The following COL23A1 variants were observed in gnomAD, a reference collection of about 807,000 sequenced individuals.
COL23A1 encodes collagen alpha-1(XXIII) chain.
Under a neutral mutation model 99.3 loss-of-function variants are expected in COL23A1, and 97 were observed. The ratio of observed to expected loss-of-function variants is 0.98; its 90% CI spans 0.83 to 1.16. The LOEUF (loss-of-function observed/expected upper bound fraction) is 1.16, where lower values mean the gene tolerates loss of function less well. COL23A1 is among the 50% of genes most tolerant of loss of function. The pLI is 0.00. For missense variants in COL23A1, 762 were observed against 757.4 expected (o/e 1.01, Z -0.07); for synonymous variants, 320 against 308.2 (o/e 1.04, Z -0.40).
At chr5:178,315,336 C>T (rs1300971708) in intron 2 of COL23A1, among the ~76,000 whole-genome samples, 1 of 152,162 alleles carries the variant, frequency 6.6e-6, no homozygotes, top group Non-Finnish European at 1.5e-5. Context: ...ATGGTAGGAC[C>T]TGCTGACGGG....
chr5:178,587,147 T>G (rs1764047406), intron 1 of COL23A1, among the ~76,000 whole-genome samples: 1 of 152,236 alleles, frequency 6.6e-6, no homozygotes, highest in African/African-American at 2.4e-5. Context: ...ATGGGGGGAT[T>G]GATTACTTAG....
intron 11 of COL23A1, 31 bp from the exon 12 acceptor site, chr5:178,259,778 A>AT: frequency 1.3e-6 from 2 of 1,594,418 alleles, no homozygotes; most frequent in Non-Finnish European, 1.7e-6. Context: ...TTCAAGAGCA[A>AT]GGTCAAAACC....
At chr5:178,488,427 C>T (rs7730172) in intron 2 of COL23A1, among the ~76,000 whole-genome samples, 11,833 of 152,120 alleles carry the variant, frequency 0.078, 1,358 homozygotes, top group East Asian at 0.54. Context: ...ACCTCCTCTC[C>T]CTTTGTGGCA....
intron 2 of COL23A1, among the ~76,000 whole-genome samples, chr5:178,416,312 A>C (rs926627983): frequency 2.1e-4 from 32 of 152,198 alleles, no homozygotes; most frequent in Admixed American, 3.9e-4. Context: ...ATGCGCAAAG[A>C]GACAGCCCTG....
At chr5:178,534,253 G>A (rs1760810267) in intron 2 of COL23A1, among the ~76,000 whole-genome samples, 1 of 152,140 alleles carries the variant, frequency 6.6e-6, no homozygotes, top group South Asian at 2.1e-4. Context: ...CCTTCACACG[G>A]TGGAAGGAAA....
chr5:178,587,877 A>G (rs1176160920), intron 1 of COL23A1, among the ~76,000 whole-genome samples: 6 of 152,142 alleles, frequency 3.9e-5, no homozygotes, highest in Admixed American at 6.6e-5. Context: ...CTGGTACCCT[A>G]AGAGAGAGAA....
In COL23A1 at chr5:178,332,262, T is replaced by G. The variant is rs10063496; in HGVS notation, c.362-25343A>C. Reference sequence around the variant, plus strand: ...GCAAGCCCCACCTTCCAGCACTCACTGCACATTTCCCTGCTGCCTTGGCTG... The same window carrying G: ...GCAAGCCCCACCTTCCAGCACTCACGGCACATTTCCCTGCTGCCTTGGCTG... On this transcript the variant is annotated intron_variant, in intron 2 of 28. Coordinates refer to ENST00000390654, the MANE Select transcript of COL23A1 (RefSeq NM_173465.4). 5.5e-3 allele frequency among the ~76,000 whole-genome samples: 837 copies of G among 152,312 alleles called. 8 individuals carry two copies. Among genetic ancestry groups the G allele is most frequent in the African/African-American group, 0.019 (803 of 41,566 alleles).
In COL23A1 at chr5:178,322,208, G is replaced by A. The variant is rs113860927; in HGVS notation, c.362-15289C>T. The stretch of plus-strand genomic sequence containing the variant: ...GGGATTTCACTGTGTTGGCCAGGCT[G>A]TTCTTGAACTCCTGACCTCGTGATC... On this transcript the variant is annotated intron_variant, in intron 2 of 28. Coordinates refer to ENST00000390654, the MANE Select transcript of COL23A1 (RefSeq NM_173465.4). 3.4e-3 allele frequency among the ~76,000 whole-genome samples: 516 copies of A among 151,698 alleles called. 5 individuals carry two copies. Among genetic ancestry groups the A allele is most frequent in the African/African-American group, 0.012 (492 of 41,348 alleles).
chr5:178,298,255 G>A (rs1757852210), intron 3 of COL23A1, among the ~76,000 whole-genome samples: 1 of 152,162 alleles, frequency 6.6e-6, no homozygotes, highest in Admixed American at 6.5e-5. Flanking sequence ...TCCTCAAACT[G>A]GGAACCTTGC....
chr5:178,281,710 C>T lies in COL23A1; in HGVS notation c.441+6614G>A, dbSNP rs116689726. 0.017 allele frequency among the ~76,000 whole-genome samples: 2,530 copies of T among 152,272 alleles called. 79 individuals are homozygous for T. Among genetic ancestry groups the T allele is most frequent in the African/African-American group, 0.058 (2,425 of 41,548 alleles). ...CCTGTAGCCAAGGAGGCCTTTTCTA[C>T]TTTTTAATAATTAATTGATTGATTT... On this transcript the variant is annotated intron_variant, in intron 5 of 28. Transcript: ENST00000390654. The surrounding 1 kb of genome is among the most constrained non-coding windows in gnomAD (Gnocchi z 4.0).
In COL23A1 at chr5:178,589,420, G is replaced by GGA. The variant is rs75312186; in HGVS notation, c.294+483_294+484insTC. ...GCTGGAGACACACTGGAGCACAGCG[G>GGA]GGCCCAGCCCTCGGGCCTGTCTGAG... On this transcript the variant is annotated intron_variant, in intron 1 of 28. Coordinates refer to ENST00000390654, the MANE Select transcript of COL23A1 (RefSeq NM_173465.4). The surrounding 1 kb of genome is among the most constrained non-coding windows in gnomAD (Gnocchi z 5.4). Among the ~76,000 whole-genome samples the GGA allele has an allele frequency of 2.6e-5, 4 of 152,026 alleles. No homozygotes were observed. The highest frequency in any genetic ancestry group is 5.9e-5 in the Non-Finnish European group (4 of 68,020).
At chr5:178,270,975 G>A (rs750639475) in intron 5 of COL23A1, among the ~76,000 whole-genome samples, 1 of 152,216 alleles carries the variant, frequency 6.6e-6, no homozygotes, top group Non-Finnish European at 1.5e-5. Context: ...GCAGAGTCTT[G>A]AAGGCTCTTT....
chr5:178,269,631 CACCCATCCACTCACCA>C (rs1756164842), intron 6 of COL23A1, among the ~76,000 whole-genome samples: 1 of 145,334 alleles, frequency 6.9e-6, no homozygotes, highest in Non-Finnish European at 1.5e-5. Context: ...TCCATTCATC[CACCCATCCACTCACCA>C]ATCCATTCAT....
At position 178,361,531 on chromosome 5, in the gene COL23A1, A is replaced by G. The variant is rs545866507; in HGVS notation, c.362-54612T>C. 2.1e-3 allele frequency among the ~76,000 whole-genome samples: 315 copies of G among 151,878 alleles called. 1 individual carries two copies. Among genetic ancestry groups the G allele is most frequent in the African/African-American group, 6.9e-3 (286 of 41,388 alleles). On this transcript the variant is annotated intron_variant, in intron 2 of 28. Coordinates refer to ENST00000390654, the MANE Select transcript of COL23A1 (RefSeq NM_173465.4). The stretch of plus-strand genomic sequence containing the variant: ...TCTGCGGGCTCCACCTCCCTCCTAC[A>G]GGGCCCTTCTCCCCACCTCCACCTT...
chr5:178,274,587 C>A (rs955010211), intron 5 of COL23A1, among the ~76,000 whole-genome samples: 9 of 151,592 alleles, frequency 5.9e-5, no homozygotes, highest in African/African-American at 2.2e-4. Flanking sequence ...TGGGGGGGGT[C>A]TCCCCTATCT....
chr5:178,452,931 A>C (rs1264220548), intron 2 of COL23A1, among the ~76,000 whole-genome samples: 2 of 152,240 alleles, frequency 1.3e-5, no homozygotes, highest in African/African-American at 2.4e-5. Flanking sequence ...GTGTACCTAC[A>C]TGTACAGGAA....
Position 178,500,424 on chromosome 5 carries a change from C to CAAA in COL23A1, c.361+60255_361+60257dup, listed in dbSNP as rs770679841. ...GCAACAAAGCAAGACCCCATCTCTA[C>CAAA]AAAAAAAAAAAAAAAAAAAAAATGG... On this transcript the variant is annotated intron_variant, in intron 2 of 28. Transcript: ENST00000390654. Among the ~76,000 whole-genome samples the CAAA allele has an allele frequency of 2.4e-3, 152 of 64,650 alleles. 1 individual carries two copies. The highest frequency in any genetic ancestry group is 3.8e-3 in the African/African-American group (67 of 17,688). The allele number at this position is 64,650 out of a possible 152,430, so 42.4% of individuals were successfully genotyped here.
Position 178,256,376 on chromosome 5 carries a change from T to A in COL23A1, c.859A>T (p.Thr287Ser). The A allele has an allele frequency of 1.2e-6, 2 of 1,605,108 alleles. No individual in the cohort carries two copies. The highest frequency in any genetic ancestry group is 1.7e-6 in the Non-Finnish European group (2 of 1,175,106). Residue 287 changes from threonine to serine, a missense_variant, in exon 15 of 29, where the codon ACG becomes TCG. Transcript: ENST00000390654. ...ACCCGGGGCCCTGCAGCTCCATCCG[T>A]GCCTCGGTGGCCAGGCTCCCCCTGT... ...GPKGEPGHRGTDGAAGPRGAP... is the reference protein window; with the variant it reads ...GPKGEPGHRGSDGAAGPRGAP...
chr5:178,566,751 G>A (rs1762861071), intron 1 of COL23A1, among the ~76,000 whole-genome samples: 1 of 152,082 alleles, frequency 6.6e-6, no homozygotes, highest in Admixed American at 6.5e-5. Context: ...GGGAGGCGAA[G>A]GTTGCAGTGA....
Sources: allele counts gnomAD v4.1 joint callset (sites outside exome capture counted in the v4.1 genomes callset), GRCh38; gene constraint gnomAD v4.1.1; non-coding constraint Gnocchi (gnomAD v3.1); transcripts MANE v1.5; gene names NCBI Gene and HGNC (gene_info 2026-07-23, HGNC 2026-07-21).